PDE4B: variants seen among roughly 807,000 people sequenced by gnomAD.
PDE4B encodes the protein 3',5'-cyclic-AMP phosphodiesterase 4B.
In PDE4B, 20 loss-of-function variants were observed where a neutral mutation model predicts 82.2. The ratio of observed to expected loss-of-function variants is 0.24; its 90% CI spans 0.17 to 0.35. The LOEUF (loss-of-function observed/expected upper bound fraction) is 0.35, where lower values mean the gene tolerates loss of function less well. Among genes scored for constraint, PDE4B ranks in the 10% least tolerant of loss-of-function variants. The pLI is 1.00. For missense variants in PDE4B, 655 were observed against 907.2 expected, an observed-to-expected ratio of 0.72 and a Z score of 3.57; for synonymous variants, 320 against 318.9, an observed-to-expected ratio of 1.00 and a Z score of -0.04.
chr1:66,064,658 T>C (rs1029742399), intron 3 of PDE4B, among the ~76,000 whole-genome samples: 2 of 151,984 alleles, frequency 1.3e-5, no homozygotes, highest in Admixed American at 6.6e-5. Flanking sequence ...TGAAGTCTAA[T>C]GTTTCCTGAT....
At chr1:65,991,844 C>A (rs1405113706) in intron 3 of PDE4B, among the ~76,000 whole-genome samples, 1 of 152,200 alleles carries the variant, frequency 6.6e-6, no homozygotes, top group African/African-American at 2.4e-5. Flanking sequence ...CACACAAACA[C>A]ATGCATAGTG....
At chr1:65,892,905 A>G (rs1646868113) in intron 1 of PDE4B, among the ~76,000 whole-genome samples, 1 of 152,082 alleles carries the variant, frequency 6.6e-6, no homozygotes, top group African/African-American at 2.4e-5. Context: ...CACTACTCAG[A>G]CAGTATTTTC....
chr1:65,998,941 T>A (rs1651706463), intron 3 of PDE4B, among the ~76,000 whole-genome samples: 1 of 152,132 alleles, frequency 6.6e-6, no homozygotes, highest in African/African-American at 2.4e-5. Flanking sequence ...CTATGCCTCA[T>A]AGCCTGAGTC....
At chr1:66,266,813 A>G in intron 7 of PDE4B, 2 of 427,310 alleles carry the variant, frequency 4.7e-6, no homozygotes, top group Non-Finnish European at 9.5e-6. Flanking sequence ...TTAAAGTCCA[A>G]ATAATGTTTT....
chr1:66,064,560 A>G (rs955482403), intron 3 of PDE4B, among the ~76,000 whole-genome samples: 2 of 151,928 alleles, frequency 1.3e-5, no homozygotes, highest in African/African-American at 4.8e-5. Context: ...CTGTTAGCCA[A>G]ATGAAAGCCA....
chr1:66,079,911 G>A (rs1388707189), intron 3 of PDE4B, among the ~76,000 whole-genome samples: 1 of 152,010 alleles, frequency 6.6e-6, no homozygotes, highest in African/African-American at 2.4e-5. Context: ...ATACTAACAA[G>A]CTTTAATGAA....
chr1:66,272,033 G>T (rs1178953009), intron 7 of PDE4B, among the ~76,000 whole-genome samples: 1 of 152,218 alleles, frequency 6.6e-6, no homozygotes, highest in African/African-American at 2.4e-5. Flanking sequence ...GGTGGAGGAG[G>T]AAGCTGGGAA....
chr1:66,214,009 G>A (rs79228582), intron 3 of PDE4B, among the ~76,000 whole-genome samples: 4,931 of 152,114 alleles, frequency 0.032, 130 homozygotes, highest in Middle Eastern at 0.095. Context: ...AGCCATACAG[G>A]TGCCTACAGT....
chr1:66,260,881 G>A (rs543495786), intron 6 of PDE4B, among the ~76,000 whole-genome samples: 42 of 152,162 alleles, frequency 2.8e-4, no homozygotes, highest in Non-Finnish European at 4.7e-4. Context: ...TTCAAATCAC[G>A]GCCCCTTGTG....
chr1:66,052,461 C>T (rs1655082874), intron 3 of PDE4B, among the ~76,000 whole-genome samples: 1 of 151,972 alleles, frequency 6.6e-6, no homozygotes, highest in South Asian at 2.1e-4. Context: ...AAAGCTGGAG[C>T]CTAGAGGGCT....
chr1:65,940,308 G>A (rs1003875221), intron 3 of PDE4B, among the ~76,000 whole-genome samples: 4 of 151,974 alleles, frequency 2.6e-5, no homozygotes, highest in African/African-American at 4.8e-5. Flanking sequence ...AATGGAAAGC[G>A]CGTGGGGAGA....
intron 3 of PDE4B, among the ~76,000 whole-genome samples, chr1:66,026,021 T>C (rs1570015821): frequency 6.6e-6 from 1 of 152,232 alleles, no homozygotes; most frequent in Non-Finnish European, 1.5e-5. Context: ...GTCAGTTACA[T>C]GTTTTATTGT....
upstream of PDE4B, chr1:65,792,667 G>A (rs1247638216): frequency 1.3e-5 from 2 of 152,362 alleles, no homozygotes; most frequent in Non-Finnish European, 2.9e-5. Context: ...AGGGCAATCA[G>A]GGAGAGGCCA....
At chr1:66,007,700 G>A (rs1652227056) in intron 3 of PDE4B, among the ~76,000 whole-genome samples, 2 of 152,228 alleles carry the variant, frequency 1.3e-5, no homozygotes, top group Non-Finnish European at 1.5e-5. Context: ...GCTGATGTGA[G>A]CAGGTAGGAA....
At chr1:65,859,856 A>G (rs1231378254) in intron 1 of PDE4B, among the ~76,000 whole-genome samples, 1 of 152,172 alleles carries the variant, frequency 6.6e-6, no homozygotes, top group Non-Finnish European at 1.5e-5. Flanking sequence ...TTATTTCCCT[A>G]TAGAGAGATA....
chr1:65,792,684 T>A (rs1378427393), upstream of PDE4B: 1 of 151,978 alleles, frequency 6.6e-6, no homozygotes, highest in Non-Finnish European at 1.5e-5. Context: ...GCCAGACGAC[T>A]GGGGACGGCG....
chr1:66,070,906 T>C (rs899550136), intron 3 of PDE4B, among the ~76,000 whole-genome samples: 3 of 152,118 alleles, frequency 2.0e-5, no homozygotes, highest in Non-Finnish European at 2.9e-5. Flanking sequence ...TTTATTTTGA[T>C]TGGATATGAC....
chr1:66,110,436 A>G (rs759465825), intron 3 of PDE4B, among the ~76,000 whole-genome samples: 24 of 152,046 alleles, frequency 1.6e-4, no homozygotes, highest in Non-Finnish European at 3.4e-4. Context: ...AACAGATTCC[A>G]CAAGTCTTGT....
At chr1:66,326,129 T>C (rs569178776) in intron 7 of PDE4B, among the ~76,000 whole-genome samples, 2 of 152,344 alleles carry the variant, frequency 1.3e-5, no homozygotes, top group African/African-American at 4.8e-5. Context: ...TTGATACCCA[T>C]TGTTATAGCT....
Sources: allele counts gnomAD v4.1 joint callset (sites outside exome capture counted in the v4.1 genomes callset), GRCh38; gene constraint gnomAD v4.1.1; transcripts MANE v1.5; gene names NCBI Gene and HGNC (gene_info 2026-07-23, HGNC 2026-07-21).